Variants in IPO9 observed in about 807,000 individuals in gnomAD.
IPO9 encodes the protein importin 9.
A neutral mutation model predicts 128.6 loss-of-function variants in IPO9; 28 were observed. That is an observed-to-expected ratio of 0.22 (90% CI 0.16 to 0.30). The LOEUF is 0.30. IPO9 is among the 10% of genes least tolerant of loss of function. The pLI, the probability that IPO9 is intolerant of heterozygous loss-of-function variation, is 1.00. For missense variants in IPO9, 935 were observed against 1,293.9 expected (o/e 0.72, Z 4.26); for synonymous variants, 455 against 475.8 (o/e 0.96, Z 0.57).
At chr1:201,873,742 T>C (rs1056732098) in intron 20 of IPO9, among the ~76,000 whole-genome samples, 2 of 151,990 alleles carry the variant, frequency 1.3e-5, no homozygotes, top group Admixed American at 1.3e-4. Context: ...AGCAAAACTC[T>C]GTCTGAAGAA....
intron 13 of IPO9, 151 bp downstream of exon 13, chr1:201,859,145 C>T (rs187206711): frequency 5.7e-5 from 23 of 402,674 alleles, no homozygotes; most frequent in Admixed American, 4.5e-5. Flanking sequence ...ATGTAACCTG[C>T]ACATTGTGTA....
At position 201,878,457 on chromosome 1, in the gene IPO9, C is replaced by G. The variant is rs1194174537; in HGVS notation, c.*2403C>G. On this transcript the variant is annotated 3_prime_UTR_variant, in exon 24 of 24. Transcript: ENST00000361565. The stretch of plus-strand genomic sequence containing the variant: ...TGCGTCTGCTAATTAGACAAACATT[C>G]TATATCTAGTGCCAAAAGTGGTCCT... 1 of 152,604 alleles carries G rather than the reference C, an allele frequency of 6.6e-6. No homozygotes were observed. Among genetic ancestry groups the G allele is most frequent in the Non-Finnish European group, 1.5e-5 (1 of 68,042 alleles). The allele number at this position is 152,604 out of a possible 1,614,324, so 9.5% of individuals were successfully genotyped here. A position where few individuals can be genotyped will look rare whatever the true frequency, so the allele number is the denominator to read the frequency against.
intron 16 of IPO9, 88 bp from the exon 17 acceptor site, chr1:201,869,502 T>A (rs1164633943): frequency 6.6e-7 from 1 of 1,504,970 alleles, no homozygotes; most frequent in African/African-American, 1.4e-5. Context: ...TGGGTTGCTA[T>A]GTAATACCCA....
rs2102898251 is a variant in IPO9 at position 201,883,984 on chromosome 1, G to GT, written c.*7931dup. The GT allele has an allele frequency of 6.6e-6, 1 of 152,386 alleles. No homozygotes were observed. Among genetic ancestry groups the GT allele is most frequent in the South Asian group, 2.1e-4 (1 of 4,834 alleles). 9.4% of individuals were successfully genotyped at this position (152,386 alleles called of 1,614,324 possible). A position where few individuals can be genotyped will look rare whatever the true frequency, so the allele number is the denominator to read the frequency against. On this transcript the variant is annotated 3_prime_UTR_variant, in exon 24 of 24. Transcript: ENST00000361565. ...TGCCAGTTCTAACTTGGGGATTCTA[G>GT]TGGGTTGAACCGAACGGTAGTCCGT...
rs185379078 is a variant in IPO9 at position 201,865,278 on chromosome 1, G to A, written c.1629-1455G>A. Among the ~76,000 whole-genome samples, 4 of 148,036 alleles carry A rather than the reference G, an allele frequency of 2.7e-5. No homozygotes were observed. In the East Asian group the frequency reaches 6.0e-4, roughly 22 times the overall value. On this transcript the variant is annotated intron_variant, in intron 14 of 23. Coordinates refer to ENST00000361565, the MANE Select transcript of IPO9 (RefSeq NM_018085.5). ...GGCTGGAGTGCAGTGGCGCGATCTC[G>A]GCTCACCACAACCTCTGCCTCCTGG...
At chr1:201,875,912 C>A in intron 23 of IPO9, 32 bp from the exon 24 acceptor site, 1 of 1,360,930 alleles carries the variant, frequency 7.3e-7, no homozygotes, top group Non-Finnish European at 1.1e-6. Context: ...CTTGCAATGT[C>A]TCACTAATGC....
In IPO9 at chr1:201,869,586, TCAGA is replaced by T; in HGVS notation, c.2005_2008del (p.Thr669ProfsTer5). 1 of 1,614,062 alleles carries T rather than the reference TCAGA, an allele frequency of 6.2e-7. No individual in the cohort carries two copies. Among genetic ancestry groups the T allele is most frequent in the Non-Finnish European group, 8.5e-7 (1 of 1,179,954 alleles). On this transcript the variant is annotated splice_acceptor_variant and splice_polypyrimidine_tract_variant and coding_sequence_variant and intron_variant, in exon 17 of 24. Transcript: ENST00000361565. LOFTEE classifies it high-confidence loss of function. ...CTGACTTTTCTTTTTCTTCTCTCTT[TCAGA>T]CAGCCATTGATATCCTGACAACAGT... is the stretch of plus-strand genomic sequence containing the variant.
chr1:201,871,070 C>A, intron 18 of IPO9, 91 bp from the exon 19 acceptor site: 2 of 1,348,670 alleles, frequency 1.5e-6, no homozygotes, highest in Non-Finnish European at 2.1e-6. Flanking sequence ...TCAGTGTAGA[C>A]TGTATTTCTT....
chr1:201,874,466 G>GAA, intron 21 of IPO9, 94 bp downstream of exon 21: 1 of 1,390,744 alleles, frequency 7.2e-7, no homozygotes, highest in Non-Finnish European at 9.7e-7. Flanking sequence ...GTCACTAATT[G>GAA]AAAAAAAAAG....
At chr1:201,856,073 G>A in intron 10 of IPO9, 139 bp downstream of exon 10, 1 of 641,930 alleles carries the variant, frequency 1.6e-6, no homozygotes, top group Admixed American at 3.9e-5. Context: ...TCTGGGAAAG[G>A]TTTGACATCA....
At position 201,872,932 on chromosome 1, in the gene IPO9, G is replaced by A. The variant is rs757442975; in HGVS notation, c.2681G>A (p.Gly894Asp). The A allele has an allele frequency of 6.2e-7, 1 of 1,613,580 alleles. No homozygotes were observed. Among genetic ancestry groups the A allele is most frequent in the Non-Finnish European group, 8.5e-7 (1 of 1,179,796 alleles). Residue 894 changes from glycine (G) to aspartate (D), a missense_variant, in exon 20 of 24, where the codon GGC becomes GAC. By Grantham distance (94) the Gly-to-Asp change is moderately conservative (BLOSUM62 -1). Around this residue, in one of 3 missense-constraint regions of IPO9, gnomAD observed 188 missense variants for 246.7 expected, o/e 0.76. Coordinates refer to ENST00000361565, the MANE Select transcript of IPO9 (RefSeq NM_018085.5). ...GAGGAGATCTACAGCATGGATGAGG[G>A]CATCCGCACCCGCTCTAAGTCAGCC... ...KGEEIYSMDE[G>D]IRTRSKSAKN...
In IPO9 at chr1:201,882,548, T is replaced by C. The variant is rs376560595; in HGVS notation, c.*6494T>C. The C allele has an allele frequency of 2.0e-5, 3 of 152,136 alleles. No individual in the cohort carries two copies. Among genetic ancestry groups the C allele is most frequent in the Admixed American group, 2.0e-4 (3 of 15,270 alleles). The allele number at this position is 152,136 out of a possible 1,614,324, so 9.4% of individuals were successfully genotyped here. ...CTTACATTCCAGTTTTTTCCTTTTT[T>C]GAGTAACTGGGAAAAGGGTGGCATT... is the stretch of plus-strand genomic sequence containing the variant. On this transcript the variant is annotated 3_prime_UTR_variant, in exon 24 of 24. Transcript: ENST00000361565.
At chr1:201,857,795 C>CA (rs34460064) in intron 11 of IPO9, among the ~76,000 whole-genome samples, 38,062 of 124,102 alleles carry the variant, frequency 0.31, 5,244 homozygotes, top group Non-Finnish European at 0.35. Flanking sequence ...AACTTGGTCT[C>CA]AAAAAAAAAA....
chr1:201,835,408 T>TA (rs1301140545), intron 1 of IPO9, among the ~76,000 whole-genome samples: 3 of 152,120 alleles, frequency 2.0e-5, no homozygotes, highest in Non-Finnish European at 4.4e-5. Context: ...AGCAAAAGAC[T>TA]AAAAGAGAAT....
intron 9 of IPO9, 132 bp downstream of exon 9, chr1:201,855,314 G>T (rs963174565): frequency 8.5e-6 from 5 of 585,620 alleles, no homozygotes; most frequent in Non-Finnish European, 1.5e-5. Context: ...GTTTATTTTC[G>T]ATGTATTCGA....
intron 21 of IPO9, 60 bp downstream of exon 21, chr1:201,874,432 C>T: frequency 6.4e-7 from 1 of 1,552,804 alleles, no homozygotes; most frequent in Non-Finnish European, 8.7e-7. Flanking sequence ...TACAAATTGT[C>T]AAATTATCAA....
At chr1:201,869,755 C>A (rs1176958727) in intron 17 of IPO9, 37 bp downstream of exon 17, 4 of 1,610,440 alleles carry the variant, frequency 2.5e-6, no homozygotes, top group Non-Finnish European at 3.4e-6. Flanking sequence ...GGGAAGATAG[C>A]TCCCCAGCCA....
chr1:201,871,370 AT>A, intron 19 of IPO9, 43 bp downstream of exon 19: 3 of 543,508 alleles, frequency 5.5e-6, no homozygotes, highest in East Asian at 4.7e-5. Flanking sequence ...GCCACCACTC[AT>A]ATTTCTTTTT....
chr1:201,848,799 C>G (rs1377709112), intron 4 of IPO9, among the ~76,000 whole-genome samples: 1 of 152,124 alleles, frequency 6.6e-6, no homozygotes, highest in Non-Finnish European at 1.5e-5. Flanking sequence ...CTTCTACTCC[C>G]AAACCTACCA....
Sources: allele counts gnomAD v4.1 joint callset (sites outside exome capture counted in the v4.1 genomes callset), GRCh38; gene constraint gnomAD v4.1.1; regional missense constraint gnomAD v4.1.1; transcripts MANE v1.5; gene names NCBI Gene and HGNC (gene_info 2026-07-23, HGNC 2026-07-21).